PLEC: variants seen among roughly 807,000 people sequenced by gnomAD.
PLEC encodes the protein hemidesmosomal protein 1.
In PLEC, 216 loss-of-function variants were observed where a neutral mutation model predicts 392.8. That is an observed-to-expected ratio of 0.55 (90% CI 0.49 to 0.62). The LOEUF is 0.62. Among genes scored for constraint, PLEC ranks in the 20% least tolerant of loss-of-function variants. The pLI, the probability that PLEC is intolerant of heterozygous loss-of-function variation, is 0.00. For missense variants in PLEC, 6,863 were observed against 6,563.4 expected (o/e 1.05, Z -1.58); for synonymous variants, 3,621 against 2,980.6 (o/e 1.21, Z -7.00).
chr8:143,932,871 C>G lies in PLEC; in HGVS notation c.1659G>C (p.Ala553=). The change falls in exon 14 of 32, where the codon GCG becomes GCC. Residue 553 remains alanine, a synonymous_variant. Transcript: ENST00000345136. ...EWGVDLPSVE[A]QLGSHRGLHQ... is the part of the protein sequence containing the mutation. ...GCAGGCCTCGGTGGCTGCCCAGCTG[C>G]GCCTCCACGCTGGGCAGGTCCACAC... 6.2e-7 allele frequency: 1 copy of G among 1,611,160 alleles called. No individual in the cohort carries two copies. The highest frequency in any genetic ancestry group is 1.7e-5 in the Admixed American group (1 of 59,914).
Position 143,924,372 on chromosome 8 carries a change from C to G in PLEC, c.5557G>C (p.Glu1853Gln). The change falls in exon 31 of 32, where the codon GAG becomes CAG. Residue 1853 changes from glutamate (E) to glutamine (Q), a missense_variant. By Grantham distance (29) the Glu-to-Gln change is conservative (BLOSUM62 2). Coordinates refer to ENST00000345136, the MANE Select transcript of PLEC (RefSeq NM_201384.3). The stretch of plus-strand genomic sequence containing the variant: ...GCCTCCTTCTCCTTGAGCGCGATCT[C>G]CGCCTCCGTCTTGAGCCGCGTGGCC... Reference protein sequence around the residue: ...GEATRLKTEAEIALKEKEAEN... With the variant: ...GEATRLKTEAQIALKEKEAEN... The G allele has an allele frequency of 6.3e-7, 1 of 1,596,796 alleles. No homozygotes were observed. Among genetic ancestry groups the G allele is most frequent in the East Asian group, 2.2e-5 (1 of 44,742 alleles).
rs58308209 is a variant in PLEC, at chr8:143,921,001, G to C, written c.8820C>G (p.Asp2940Glu). 25,529 of 1,612,998 alleles carry C rather than the reference G, an allele frequency of 0.016. 2,353 individuals are homozygous for C. In the African/African-American group the frequency reaches 0.24, roughly 15 times the overall value. ...SEYFTAEQRR[D>E]LLRQFRTGRI... ...GGCCCGTGCGGAACTGCCGCAGCAG[G>C]TCCCGCCGCTGCTCTGCCGTGAAGT... The change falls in exon 32 of 32, where the codon GAC becomes GAG. Residue 2940 changes from aspartate (D) to glutamate (E), a missense_variant. Coordinates refer to ENST00000345136, the MANE Select transcript of PLEC (RefSeq NM_201384.3).
intron 1 of PLEC, chr8:143,944,864 C>T (rs1235077348): frequency 9.8e-6 from 5 of 508,306 alleles, no homozygotes; most frequent in African/African-American, 2.0e-5. Context: ...GAGGAGGGCG[C>T]GCAAGGACCG....
At position 143,934,960 on chromosome 8, in the gene PLEC, T is replaced by C. The variant is rs374074664; in HGVS notation, c.826-31A>G. 4 of 1,609,866 alleles carry C rather than the reference T, an allele frequency of 2.5e-6. No individual in the cohort carries two copies. In the Admixed American group the frequency reaches 5.0e-5, roughly 20 times the overall value. Reference sequence around the variant, plus strand: ...GGCAGGCACGGGCGGCTGTCAGGGGTCGTCGGGGCGTCCAGGCCCAAGCCC... The same window carrying C: ...GGCAGGCACGGGCGGCTGTCAGGGGCCGTCGGGGCGTCCAGGCCCAAGCCC... On this transcript the variant is annotated intron_variant, in intron 8 of 31. Transcript: ENST00000345136.
Position 143,930,353 on chromosome 8 carries a change from GC to G in PLEC, c.2457+30del, listed in dbSNP as rs782561077. 20 of 1,579,298 alleles carry G rather than the reference GC, an allele frequency of 1.3e-5. No homozygotes were observed. The East Asian group carries it at 2.1e-4, about 16-fold the overall frequency. On this transcript the variant is annotated intron_variant, in intron 20 of 31. Coordinates refer to ENST00000345136, the MANE Select transcript of PLEC (RefSeq NM_201384.3). ...GCCACACCCTGCCCTGCCTGGCCACGCCCCCCAGTGGACCCCCGGCCTGCGC... is the reference window on the plus strand; with the variant it reads ...GCCACACCCTGCCCTGCCTGGCCACGCCCCCAGTGGACCCCCGGCCTGCGC...
intron 1 of PLEC, among the ~76,000 whole-genome samples, chr8:143,964,852 G>T (rs1448679092): frequency 2.6e-5 from 4 of 152,082 alleles, no homozygotes; most frequent in Non-Finnish European, 5.9e-5. Flanking sequence ...CTTTCAAAAG[G>T]TCAAAAGACA....
In PLEC at chr8:143,922,976, G is replaced by A. The variant is rs377223579; in HGVS notation, c.6953C>T (p.Ala2318Val). Reference protein sequence around the residue: ...AEKMLKEKMQAVQEATRLKAE... With the variant: ...AEKMLKEKMQVVQEATRLKAE... Reference sequence around the variant, plus strand: ...CTTGAGTCGCGTGGCCTCCTGCACCGCCTGCATCTTCTCCTTGAGCATCTT... The same window carrying A: ...CTTGAGTCGCGTGGCCTCCTGCACCACCTGCATCTTCTCCTTGAGCATCTT... The change falls in exon 31 of 32, where the codon GCG becomes GTG. Residue 2318 changes from alanine to valine, a missense_variant. Ala to Val is a moderately conservative substitution (Grantham distance 64). Coordinates refer to ENST00000345136, the MANE Select transcript of PLEC (RefSeq NM_201384.3). The A allele has an allele frequency of 5.9e-5, 95 of 1,611,050 alleles. No individual in the cohort carries two copies. Among genetic ancestry groups the A allele is most frequent in the Non-Finnish European group, 7.1e-5 (84 of 1,179,246 alleles).
intron 1 of PLEC, among the ~76,000 whole-genome samples, chr8:143,963,985 G>A (rs1587406312): frequency 6.6e-6 from 1 of 152,070 alleles, no homozygotes; most frequent in African/African-American, 2.4e-5. Context: ...GCTGATTTTT[G>A]TATTTTTAGT....
chr8:143,922,668 C>T lies in PLEC; in HGVS notation c.7261G>A (p.Glu2421Lys). ...GTCACCTTCTCCTGGGTGGCGAGCT[C>T]CGTGCGGTGCAGCTTCTCACCGATC... The part of the protein sequence containing the change: ...EEIGEKLHRT[E>K]LATQEKVTLV... Residue 2421 changes from glutamate to lysine, a missense_variant, in exon 31 of 32, where the codon GAG becomes AAG. Physicochemically the swap from Glu to Lys is moderately conservative, Grantham distance 56 (BLOSUM62 1). Coordinates refer to ENST00000345136, the MANE Select transcript of PLEC (RefSeq NM_201384.3). The T allele has an allele frequency of 6.2e-7, 1 of 1,613,220 alleles. No homozygotes were observed. Among genetic ancestry groups the T allele is most frequent in the Non-Finnish European group, 8.5e-7 (1 of 1,179,912 alleles).
chr8:143,922,486 A>T lies in PLEC; in HGVS notation c.7425+18T>A. ...ATCCCCGGGCCCACCCGCCCGTCGC[A>T]CGTAGAGGGGGCGGTACCTCCTCAG... On this transcript the variant is annotated intron_variant, in intron 31 of 31. Coordinates refer to ENST00000345136, the MANE Select transcript of PLEC (RefSeq NM_201384.3). 1.9e-6 allele frequency: 3 copies of T among 1,605,404 alleles called. No individual in the cohort carries two copies. The highest frequency in any genetic ancestry group is 1.7e-6 in the Non-Finnish European group (2 of 1,179,946).
intron 1 of PLEC, among the ~76,000 whole-genome samples, chr8:143,959,928 G>A (rs1832792655): frequency 6.6e-6 from 1 of 151,928 alleles, no homozygotes; most frequent in Non-Finnish European, 1.5e-5. Context: ...GCATTGAGCT[G>A]AGATCATGCC....
upstream of PLEC, chr8:143,975,395 GGT>G: frequency 6.3e-7 from 1 of 1,596,546 alleles, no homozygotes; most frequent in Non-Finnish European, 8.5e-7. The surrounding 1 kb of genome is among the most constrained non-coding windows in gnomAD (Gnocchi z 9.9). Context: ...GAGCAGGAGG[GGT>G]CACATCTCTG....
rs1554703013 is a variant in PLEC at position 143,925,523 on chromosome 8, C to T, written c.4406G>A (p.Gly1469Asp). 4 of 1,595,558 alleles carry T rather than the reference C, an allele frequency of 2.5e-6. No homozygotes were observed. The highest frequency in any genetic ancestry group is 3.4e-6 in the Non-Finnish European group (4 of 1,177,952). Residue 1469 changes from glycine (G) to aspartate (D), a missense_variant, in exon 31 of 32, where the codon GGC (glycine) becomes GAC (aspartate). By Grantham distance (94) the Gly-to-Asp change is moderately conservative. Transcript: ENST00000345136. ...LQLEATERQR[G>D]GAEGELQALR... ...TGCCTGCAGCTCCCCCTCAGCCCCGCCACGCTGGCGCTCGGTGGCCTCCAA... is the reference window on the plus strand; with the variant it reads ...TGCCTGCAGCTCCCCCTCAGCCCCGTCACGCTGGCGCTCGGTGGCCTCCAA...
In PLEC at chr8:143,925,157, T is replaced by A; in HGVS notation, c.4772A>T (p.Gln1591Leu). The A allele has an allele frequency of 6.4e-7, 1 of 1,559,440 alleles. No homozygotes were observed. The highest frequency in any genetic ancestry group is 1.8e-5 in the Admixed American group (1 of 54,836). Residue 1591 changes from glutamine to leucine, a missense_variant, in exon 31 of 32, where the codon CAG (glutamine) becomes CTG (leucine). Physicochemically the swap from Gln to Leu is moderately radical, Grantham distance 113. Coordinates refer to ENST00000345136, the MANE Select transcript of PLEC (RefSeq NM_201384.3). The part of the protein sequence containing the change: ...KRASFAEKTA[Q>L]LERSLQEEHV... Reference sequence around the variant, plus strand: ...TTCCTCCTGCAGGGAGCGCTCCAGCTGTGCCGTCTTCTCGGCGAAGGAGGC... The same window carrying A: ...TTCCTCCTGCAGGGAGCGCTCCAGCAGTGCCGTCTTCTCGGCGAAGGAGGC...
chr8:143,927,591 A>T lies in PLEC; in HGVS notation c.3575T>A (p.Leu1192Gln). Residue 1192 changes from leucine (L) to glutamine (Q), a missense_variant, in exon 27 of 32, where the codon CTG (leucine) becomes CAG (glutamine). Transcript: ENST00000345136. ...AQLLERWQAVLAQTDVRQREL... is the reference protein window; with the variant it reads ...AQLLERWQAVQAQTDVRQREL... ...GCGCTGCCGCACGTCGGTCTGGGCC[A>T]GCACAGCCTGCCAGCGCTCAAGCAA... The T allele has an allele frequency of 6.3e-7, 1 of 1,588,902 alleles. No homozygotes were observed.
rs371763907 is a variant in PLEC, at chr8:143,923,151, C to T, written c.6778G>A (p.Asp2260Asn). Reference sequence around the variant, plus strand: ...TCCTGCAGGAAGCGCTGCGTATTGTCCTTGTCACGCAAGATGAGTGCGCGG... The same window carrying T: ...TCCTGCAGGAAGCGCTGCGTATTGTTCTTGTCACGCAAGATGAGTGCGCGG... ...ENRALILRDKDNTQRFLQEEA... is the reference protein window; with the variant it reads ...ENRALILRDKNNTQRFLQEEA... The change falls in exon 31 of 32, where the codon GAC (aspartate) becomes AAC (asparagine). Residue 2260 changes from aspartate to asparagine, a missense_variant. By Grantham distance (23) the Asp-to-Asn change is conservative. Coordinates refer to ENST00000345136, the MANE Select transcript of PLEC (RefSeq NM_201384.3). 324 of 1,602,962 alleles carry T rather than the reference C, an allele frequency of 2.0e-4. No individual in the cohort carries two copies. Among genetic ancestry groups the T allele is most frequent in the African/African-American group, 1.3e-3 (100 of 75,040 alleles).
chr8:143,938,147 G>C lies in PLEC; in HGVS notation c.264+4C>G, dbSNP rs369467661. On this transcript the variant is annotated splice_donor_region_variant and intron_variant, in intron 3 of 31. Coordinates refer to ENST00000345136, the MANE Select transcript of PLEC (RefSeq NM_201384.3). ...GGGCCCGGAGGGGGCAGGGGCACAC[G>C]TACCAGGCTGTCCCCCGAGAGGACC... is the stretch of plus-strand genomic sequence containing the variant. The C allele has an allele frequency of 2.2e-5, 35 of 1,598,952 alleles. No individual in the cohort carries two copies. The highest frequency in any genetic ancestry group is 2.9e-5 in the Non-Finnish European group (34 of 1,174,704).
chr8:143,942,556 GCGGGGAGCT>G, upstream of PLEC: 1 of 1,529,438 alleles, frequency 6.5e-7, no homozygotes, highest in Non-Finnish European at 8.7e-7. Context: ...CACGGACAGT[GCGGGGAGCT>G]GGACCGCGGC....
chr8:143,943,738 T>C (rs782631826), upstream of PLEC: 5 of 1,583,302 alleles, frequency 3.2e-6, no homozygotes, highest in Non-Finnish European at 4.3e-6. Flanking sequence ...GCGGCCCCTC[T>C]GCCCCGCCTC....
Sources: gnomAD v4.1 joint callset for allele counts (sites outside exome capture counted in the v4.1 genomes callset) on GRCh38, gnomAD v4.1.1 for gene constraint, Gnocchi (gnomAD v3.1) non-coding constraint, MANE v1.5 for transcripts, NCBI Gene and HGNC (gene_info 2026-07-23, HGNC 2026-07-21) for gene names.